LARP1: variants seen among roughly 807,000 people sequenced by gnomAD.
LARP1 encodes the protein la-related protein 1.
Under a neutral mutation model 122.7 loss-of-function variants are expected in LARP1, and 36 were observed. The observed-to-expected ratio is 0.29, with a 90% CI of 0.22 to 0.39. LARP1 has a LOEUF of 0.39. LARP1 is among the 10% of genes least tolerant of loss of function. LARP1 has a pLI of 1.00. For missense variants in LARP1, 1,040 were observed against 1,403.6 expected (o/e 0.74, Z 4.14); for synonymous variants, 539 against 528.7 (o/e 1.02, Z -0.27).
At chr5:154,723,814 G>C (rs1756031411) in intron 1 of LARP1, among the ~76,000 whole-genome samples, 2 of 152,126 alleles carry the variant, frequency 1.3e-5, no homozygotes, top group South Asian at 4.1e-4. Context: ...TAATTACTCT[G>C]CCATATGGAC....
At chr5:154,806,578 G>T (rs1463493629) in intron 15 of LARP1, among the ~76,000 whole-genome samples, 2 of 152,228 alleles carry the variant, frequency 1.3e-5, no homozygotes, top group African/African-American at 4.8e-5. Flanking sequence ...GTAGTTTGCT[G>T]ATCCCCTCTC....
At chr5:154,742,297 C>T (rs1035422041) in intron 1 of LARP1, among the ~76,000 whole-genome samples, 1 of 152,206 alleles carries the variant, frequency 6.6e-6, no homozygotes, top group Non-Finnish European at 1.5e-5. Flanking sequence ...CATGGTGGCT[C>T]ACACCTGTAA....
chr5:154,751,498 A>G (rs1306673434), upstream of LARP1, among the ~76,000 whole-genome samples: 1 of 152,204 alleles, frequency 6.6e-6, no homozygotes, highest in African/African-American at 2.4e-5. Flanking sequence ...TAGTTACCCA[A>G]TAAAAGTAGC....
chr5:154,780,833 G>A (rs569824875), intron 1 of LARP1, among the ~76,000 whole-genome samples: 40 of 152,214 alleles, frequency 2.6e-4, no homozygotes, highest in African/African-American at 8.9e-4. Flanking sequence ...AGGCTGAGGC[G>A]GGTGGATCAC....
chr5:154,779,471 T>G (rs987618486), intron 1 of LARP1, among the ~76,000 whole-genome samples: 1 of 151,928 alleles, frequency 6.6e-6, no homozygotes, highest in Admixed American at 6.6e-5. Context: ...TAGGGTGGCT[T>G]TGGGGTAGGG....
chr5:154,728,364 G>A (rs536297760), intron 1 of LARP1, among the ~76,000 whole-genome samples: 5 of 152,332 alleles, frequency 3.3e-5, no homozygotes, highest in Admixed American at 3.3e-4. Context: ...TCAAGAGATA[G>A]AGTCCATTTT....
chr5:154,808,475 C>T lies in LARP1; in HGVS notation c.2715C>T (p.Gly905=), dbSNP rs1417764602. Residue 905 remains glycine, a synonymous_variant, in exon 16 of 19, where the codon GGC becomes GGT. Coordinates refer to ENST00000518297, the MANE Select transcript of LARP1 (RefSeq NM_033551.3). ...TCCCATCAGAGCGGAAACGCTTGGGCATTGGCCAGTCTCAGGAGATGAACA... is the reference window on the plus strand; with the variant it reads ...TCCCATCAGAGCGGAAACGCTTGGGTATTGGCCAGTCTCAGGAGATGAACA... ...RRCLNERKRL[G]IGQSQEMNTL... is the part of the protein sequence containing the mutation. 8 of 1,613,186 alleles carry T rather than the reference C, an allele frequency of 5.0e-6. No individual in the cohort carries two copies. The highest frequency in any genetic ancestry group is 1.7e-5 in the Admixed American group (1 of 59,996).
At chr5:154,725,792 T>G (rs1226707238) in intron 1 of LARP1, among the ~76,000 whole-genome samples, 1 of 152,050 alleles carries the variant, frequency 6.6e-6, no homozygotes, top group African/African-American at 2.4e-5. Flanking sequence ...AAAATTGGAT[T>G]TCAGGATCTA....
chr5:154,757,699 AT>A (rs1754088759), intron 1 of LARP1, among the ~76,000 whole-genome samples: 1 of 152,024 alleles, frequency 6.6e-6, no homozygotes, highest in Non-Finnish European at 1.5e-5. Flanking sequence ...GCATGTTGCA[AT>A]TTTTATTTCT....
chr5:154,760,822 A>G (rs1297135803), intron 1 of LARP1, among the ~76,000 whole-genome samples: 1 of 152,252 alleles, frequency 6.6e-6, no homozygotes, highest in Non-Finnish European at 1.5e-5. Context: ...AAGAAAGTTG[A>G]GACATCAGTC....
rs1758467861 is a variant in LARP1, at chr5:154,803,015, T to C, written c.2110-275T>C. Among the ~76,000 whole-genome samples, 1 of 152,166 alleles carries C rather than the reference T, an allele frequency of 6.6e-6. No individual in the cohort carries two copies. The highest frequency in any genetic ancestry group is 2.4e-5 in the African/African-American group (1 of 41,440). ...ACACTGGAGCTTTCAGGGGGGAGTGTGTAGTGAGTTCCTGAGGAGCTACTG... is the reference window on the plus strand; with the variant it reads ...ACACTGGAGCTTTCAGGGGGGAGTGCGTAGTGAGTTCCTGAGGAGCTACTG... On this transcript the variant is annotated intron_variant, in intron 11 of 18. Transcript: ENST00000518297. This position sits in a 1 kb window ranked among gnomAD's most constrained non-coding sequence, Gnocchi z 4.4.
upstream of LARP1, among the ~76,000 whole-genome samples, chr5:154,708,092 T>C (rs570853984): frequency 3.9e-5 from 6 of 152,288 alleles, no homozygotes; most frequent in South Asian, 1.2e-3. Flanking sequence ...CGGGGGTCTT[T>C]TGTGGTTGAA....
chr5:154,811,228 A>G lies in LARP1; in HGVS notation c.2844-19A>G, dbSNP rs774844443. On this transcript the variant is annotated intron_variant, in intron 16 of 18. Transcript: ENST00000518297. ...CAGATGAAGAAACTGCCCTGATTTC[A>G]CTGACTTGTGTTCTACAGATATGGT... 3 of 1,594,610 alleles carry G rather than the reference A, an allele frequency of 1.9e-6. No individual in the cohort carries two copies. Among genetic ancestry groups the G allele is most frequent in the African/African-American group, 2.7e-5 (2 of 74,474 alleles).
chr5:154,758,142 T>A (rs965997598), intron 1 of LARP1, among the ~76,000 whole-genome samples: 18 of 151,936 alleles, frequency 1.2e-4, no homozygotes, highest in African/African-American at 4.1e-4. Context: ...ACCTTGTGGG[T>A]TTTAAATCAA....
At chr5:154,726,505 A>G (rs1756224212) in intron 1 of LARP1, among the ~76,000 whole-genome samples, 1 of 152,224 alleles carries the variant, frequency 6.6e-6, no homozygotes, top group Admixed American at 6.5e-5. Context: ...ACTTTAAAAG[A>G]TATGTGATTA....
chr5:154,790,754 A>T lies in LARP1; in HGVS notation c.564+44A>T, dbSNP rs773275065. ...ATAGGCAGGTTTGAAGTCTCTTGAC[A>T]TACACACATTTAGCTCCTCAAGCTT... On this transcript the variant is annotated intron_variant, in intron 3 of 18. Transcript: ENST00000518297. 7.1e-6 allele frequency: 11 copies of T among 1,540,364 alleles called. 1 individual carries two copies. The Middle Eastern group carries it at 1.7e-3, about 235-fold the overall frequency.
At chr5:154,763,553 A>T (rs748457172) in intron 1 of LARP1, among the ~76,000 whole-genome samples, 13 of 150,522 alleles carry the variant, frequency 8.6e-5, no homozygotes, top group Non-Finnish European at 1.9e-4. Context: ...CCGAGATGGT[A>T]GGATCATGTG....
intron 1 of LARP1, among the ~76,000 whole-genome samples, chr5:154,738,363 G>C (rs991960354): frequency 6.6e-6 from 1 of 152,142 alleles, no homozygotes; most frequent in Non-Finnish European, 1.5e-5. Context: ...GCTGAGAGGT[G>C]GGTGGATCGC....
rs11315331 is a variant in LARP1, at chr5:154,722,678, GTT to G, written c.205+9567_205+9568del. Among the ~76,000 whole-genome samples the G allele has an allele frequency of 6.8e-3, 672 of 99,146 alleles. 2 individuals carry two copies. Among genetic ancestry groups the G allele is most frequent in the Middle Eastern group, 0.024 (4 of 164 alleles). The allele number at this position is 99,146 out of a possible 152,430, so 65.0% of individuals were successfully genotyped here. A position where few individuals can be genotyped will look rare whatever the true frequency, so the allele number is the denominator to read the frequency against. On this transcript the variant is annotated intron_variant, in intron 1 of 18. Transcript: ENST00000336314. ...AAGGGACCTCATGCATCTTTCCTAG[GTT>G]TTTTTTTTTTTTTTTTTTGAGACGG...
Sources: allele counts gnomAD v4.1 joint callset (sites outside exome capture counted in the v4.1 genomes callset), GRCh38; gene constraint gnomAD v4.1.1; non-coding constraint Gnocchi (gnomAD v3.1); transcripts MANE v1.5; gene names NCBI Gene and HGNC (gene_info 2026-07-23, HGNC 2026-07-21).